AKAP7: variants seen among roughly 807,000 people sequenced by gnomAD.
AKAP7 encodes A kinase (PRKA) anchor protein 7.
In AKAP7, 39 loss-of-function variants were observed where a neutral mutation model predicts 39.5. The ratio of observed to expected loss-of-function variants is 0.99; its 90% confidence interval spans 0.76 to 1.29. AKAP7 has a LOEUF of 1.29. AKAP7 is among the 50% of genes most tolerant of loss of function. The pLI, the probability that AKAP7 is intolerant of heterozygous loss-of-function variation, is 0.00. For synonymous variants in AKAP7, 140 were observed against 139.1 expected, an observed-to-expected ratio of 1.01 and a Z score of -0.05; for missense variants, 414 against 407.7, an observed-to-expected ratio of 1.02 and a Z score of -0.13.
intron 6 of AKAP7, among the ~76,000 whole-genome samples, chr6:131,210,928 T>G (rs536720905): frequency 6.6e-6 from 1 of 152,338 alleles, no homozygotes; most frequent in African/African-American, 2.4e-5. Context: ...CTTTGTGCTC[T>G]TGGACTTCCA....
chr6:131,277,230 A>C (rs1814819408), intron 7 of AKAP7, among the ~76,000 whole-genome samples: 1 of 152,248 alleles, frequency 6.6e-6, no homozygotes, highest in African/African-American at 2.4e-5. Flanking sequence ...TGTGCTTAAA[A>C]GATTTTTCAT....
chr6:131,270,696 T>C (rs1814197158), intron 7 of AKAP7, among the ~76,000 whole-genome samples: 1 of 152,196 alleles, frequency 6.6e-6, no homozygotes, highest in African/African-American at 2.4e-5. Context: ...CCACCAGCAA[T>C]AGGAGTTCCA....
At chr6:131,278,438 G>A (rs1814925163) in intron 7 of AKAP7, among the ~76,000 whole-genome samples, 1 of 152,158 alleles carries the variant, frequency 6.6e-6, no homozygotes, top group African/African-American at 2.4e-5. Flanking sequence ...GAATCCAGTG[G>A]AGGCTCATCA....
chr6:131,270,147 A>T, intron 7 of AKAP7, among the ~76,000 whole-genome samples: 1 of 152,304 alleles, frequency 6.6e-6, no homozygotes, highest in East Asian at 1.9e-4. Context: ...GTCAGTTGTA[A>T]TCAGCACAGA....
chr6:131,192,489 A>T (rs1404274479), intron 5 of AKAP7, among the ~76,000 whole-genome samples: 3 of 152,210 alleles, frequency 2.0e-5, no homozygotes, highest in Non-Finnish European at 4.4e-5. Context: ...TTGTTACTAT[A>T]GCCCTGTAGT....
intron 6 of AKAP7, among the ~76,000 whole-genome samples, chr6:131,202,780 T>A (rs1469173185): frequency 6.6e-6 from 1 of 151,922 alleles, no homozygotes; most frequent in African/African-American, 2.4e-5. Context: ...TAAAATAAAA[T>A]AAAGAAAACA....
At chr6:131,152,798 G>A (rs1282673798) in intron 2 of AKAP7, among the ~76,000 whole-genome samples, 1 of 139,176 alleles carries the variant, frequency 7.2e-6, no homozygotes, top group Admixed American at 7.7e-5. Flanking sequence ...CTGCACTGCA[G>A]CCTGGGCAAC....
chr6:131,164,346 A>G, intron 3 of AKAP7: 1 of 454,798 alleles, frequency 2.2e-6, no homozygotes, highest in Non-Finnish European at 4.4e-6. Context: ...CTAGAATTGC[A>G]TCTAACTGGA....
chr6:131,144,051 C>T (rs906714256), intron 1 of AKAP7, among the ~76,000 whole-genome samples: 3 of 137,518 alleles, frequency 2.2e-5, no homozygotes, highest in Non-Finnish European at 3.1e-5. Context: ...GGACACAGCA[C>T]ATGTTTCAGA....
At chr6:131,146,608 A>T (rs75476888) in intron 2 of AKAP7, among the ~76,000 whole-genome samples, 2,994 of 152,298 alleles carry the variant, frequency 0.02, 69 homozygotes, top group Admixed American at 0.041. Context: ...ATATGTTTGG[A>T]TGTTTATTGA....
chr6:131,241,568 A>ATT (rs1562237866), intron 7 of AKAP7, among the ~76,000 whole-genome samples: 3 of 89,938 alleles, frequency 3.3e-5, no homozygotes, highest in African/African-American at 1.3e-4. Context: ...CAGGACATAG[A>ATT]TTATATATAT....
At chr6:131,211,024 T>G (rs1227607028) in intron 6 of AKAP7, among the ~76,000 whole-genome samples, 1 of 152,186 alleles carries the variant, frequency 6.6e-6, no homozygotes, top group Non-Finnish European at 1.5e-5. Flanking sequence ...TCAAACGTAC[T>G]TCTCAACAGG....
intron 5 of AKAP7, among the ~76,000 whole-genome samples, chr6:131,179,166 C>T (rs9375805): frequency 0.35 from 51,091 of 147,824 alleles, 9,339 homozygotes; most frequent in East Asian, 0.76. Context: ...ATTGTCTATT[C>T]GGTTTTTTTT....
intron 7 of AKAP7, among the ~76,000 whole-genome samples, chr6:131,237,632 T>TG (rs1353946466): frequency 6.6e-6 from 1 of 152,192 alleles, no homozygotes; most frequent in Non-Finnish European, 1.5e-5. Context: ...GGTTTAGTCT[T>TG]GGGGGGTGTA....
chr6:131,224,922 T>G (rs1177591236), intron 7 of AKAP7, among the ~76,000 whole-genome samples: 1 of 151,604 alleles, frequency 6.6e-6, no homozygotes, highest in Non-Finnish European at 1.5e-5. Context: ...GGCTAATTTT[T>G]TTTTTAATAT....
chr6:131,235,714 G>T (rs1488809553), intron 7 of AKAP7, among the ~76,000 whole-genome samples: 2 of 152,186 alleles, frequency 1.3e-5, no homozygotes, highest in Non-Finnish European at 2.9e-5. Flanking sequence ...CTTCTTTTGA[G>T]AAGTGCCTGT....
chr6:131,207,692 T>C (rs1808261584), intron 6 of AKAP7, among the ~76,000 whole-genome samples: 2 of 151,740 alleles, frequency 1.3e-5, no homozygotes, highest in African/African-American at 4.8e-5. Context: ...TACCAAATTA[T>C]GTGGAAGTGC....
At chr6:131,212,463 C>T (rs555693996) in intron 6 of AKAP7, among the ~76,000 whole-genome samples, 3 of 152,282 alleles carry the variant, frequency 2.0e-5, no homozygotes, top group East Asian at 1.9e-4. Context: ...ATATCTGTTA[C>T]GATGTCCAGG....
chr6:131,232,788 T>C (rs1183566489), intron 7 of AKAP7, among the ~76,000 whole-genome samples: 1 of 151,820 alleles, frequency 6.6e-6, no homozygotes, highest in East Asian at 1.9e-4. Flanking sequence ...CAAGACTGTC[T>C]CAAAAAAAGA....
Sources: allele counts gnomAD v4.1 joint callset (sites outside exome capture counted in the v4.1 genomes callset), GRCh38; gene constraint gnomAD v4.1.1; transcripts MANE v1.5; gene names NCBI Gene and HGNC (gene_info 2026-07-23, HGNC 2026-07-21).